The following FRMPD1 variants were observed in gnomAD, a reference collection of about 807,000 sequenced individuals.
The protein encoded by FRMPD1 is FERM and PDZ domain-containing protein 1.
Under a neutral mutation model 117.8 loss-of-function variants are expected in FRMPD1, and 76 were observed. The observed-to-expected ratio is 0.65, with a 90% CI of 0.54 to 0.78. The LOEUF (loss-of-function observed/expected upper bound fraction) is 0.78, where lower values mean the gene tolerates loss of function less well. Among genes scored for constraint, FRMPD1 ranks in the 30% least tolerant of loss-of-function variants. The probability of loss-of-function intolerance (pLI) is 0.00; values close to 1 mark genes in which losing one functional copy is unlikely to be tolerated. For missense variants in FRMPD1, 1,786 were observed against 1,964.5 expected, an observed-to-expected ratio of 0.91 and a Z score of 1.72; for synonymous variants, 783 against 770.4, an observed-to-expected ratio of 1.02 and a Z score of -0.27.
the FRMPD1 span, among the ~76,000 whole-genome samples, chr9:37,642,437 T>C: frequency 6.6e-6 from 1 of 152,228 alleles, no homozygotes; most frequent in African/African-American, 2.4e-5. Context: ...CTAGATTTCT[T>C]GGATTTGAAT....
chr9:37,662,845 G>A (rs1821041554), intron 1 of FRMPD1, among the ~76,000 whole-genome samples: 1 of 152,176 alleles, frequency 6.6e-6, no homozygotes, highest in Admixed American at 6.5e-5. Context: ...GGGACATGCA[G>A]CTCAGTTTAA....
At chr9:37,729,374 G>A (rs1361101818) in intron 7 of FRMPD1, among the ~76,000 whole-genome samples, 3 of 102,768 alleles carry the variant, frequency 2.9e-5, no homozygotes, top group African/African-American at 1.1e-4. Context: ...CAGCCTGGGA[G>A]ACCCTCTCAA....
chr9:37,647,094 C>CTT (rs1190010127), upstream of FRMPD1, among the ~76,000 whole-genome samples: 1 of 152,090 alleles, frequency 6.6e-6, no homozygotes, highest in Admixed American at 6.6e-5. Context: ...AGGGACAAGG[C>CTT]ACAACCACAT....
intron 2 of FRMPD1, among the ~76,000 whole-genome samples, chr9:37,698,900 G>A (rs771409203): frequency 9.9e-5 from 15 of 151,760 alleles, no homozygotes; most frequent in East Asian, 1.9e-4. Flanking sequence ...CACCACACCC[G>A]GCTAACTTTT....
chr9:37,627,378 C>T, the FRMPD1 span, among the ~76,000 whole-genome samples: 1 of 152,258 alleles, frequency 6.6e-6, no homozygotes, highest in Non-Finnish European at 1.5e-5. Context: ...CTTTATATCT[C>T]TGGCACCTTC....
Position 37,729,751 on chromosome 9 carries a change from G to A in FRMPD1, c.636G>A (p.Glu212=). ...TVKDIILTVK[E]KLSIRSIEYF... ...AGGACATCATCCTCACCGTGAAGGA[G>A]AAGCTGTCCATCCGAAGTATCGAGT... The change falls in exon 8 of 16, where the codon GAG becomes GAA. Residue 212 remains glutamate (E), a synonymous_variant. Coordinates refer to ENST00000377765, the MANE Select transcript of FRMPD1 (RefSeq NM_014907.3). 11 of 1,614,110 alleles carry A rather than the reference G, an allele frequency of 6.8e-6. No individual in the cohort carries two copies. The highest frequency in any genetic ancestry group is 9.3e-6 in the Non-Finnish European group (11 of 1,179,988).
chr9:37,663,632 C>T (rs974971442), intron 1 of FRMPD1, among the ~76,000 whole-genome samples: 20 of 152,316 alleles, frequency 1.3e-4, no homozygotes, highest in African/African-American at 4.8e-4. Context: ...GTTCTAACCT[C>T]GTGACTTTGC....
intron 2 of FRMPD1, among the ~76,000 whole-genome samples, chr9:37,696,585 G>A (rs1210963376): frequency 6.6e-6 from 1 of 152,132 alleles, no homozygotes; most frequent in Non-Finnish European, 1.5e-5. Flanking sequence ...TTTAAAACAT[G>A]TGGGAAAATT....
At chr9:37,668,720 G>A (rs370141681) in intron 1 of FRMPD1, 4 of 152,088 alleles carry the variant, frequency 2.6e-5, no homozygotes, top group Non-Finnish European at 4.4e-5. Context: ...CTGTTTCCAC[G>A]GTATATTTGT....
chr9:37,623,834 T>A, the FRMPD1 span, among the ~76,000 whole-genome samples: 4 of 152,122 alleles, frequency 2.6e-5, no homozygotes, highest in African/African-American at 9.7e-5. Context: ...GGTAGGATTA[T>A]GACAGATAAG....
Position 37,740,684 on chromosome 9 carries a change from T to C in FRMPD1, c.2156T>C (p.Leu719Pro), listed in dbSNP as rs1220060113. The change falls in exon 15 of 16, where the codon CTG (leucine) becomes CCG (proline). Residue 719 changes from leucine (L) to proline (P), a missense_variant. Coordinates refer to ENST00000377765, the MANE Select transcript of FRMPD1 (RefSeq NM_014907.3). This position sits in a 1 kb window ranked among gnomAD's most constrained non-coding sequence, Gnocchi z 4.2. The stretch of plus-strand genomic sequence containing the variant: ...TCCAGTGTCTCCCCGGCCAGCTACC[T>C]GAGTGACAGTTCCGAGAGTACAGCT... ...LCSSVSPASY[L>P]SDSSESTASR... 7 of 1,614,032 alleles carry C rather than the reference T, an allele frequency of 4.3e-6. No homozygotes were observed. The Admixed American group carries it at 8.3e-5, about 19-fold the overall frequency.
At chr9:37,628,682 T>G in the FRMPD1 span, among the ~76,000 whole-genome samples, 4 of 152,222 alleles carry the variant, frequency 2.6e-5, no homozygotes, top group African/African-American at 9.6e-5. Flanking sequence ...GGAACCTGCC[T>G]ACCTGAGGGA....
At chr9:37,701,796 A>C (rs1042204903) in intron 2 of FRMPD1, among the ~76,000 whole-genome samples, 14 of 152,136 alleles carry the variant, frequency 9.2e-5, no homozygotes, top group Non-Finnish European at 1.6e-4. Flanking sequence ...TAGATGGAGA[A>C]TCATTCAGGA....
chr9:37,703,445 G>A (rs1394813096), intron 2 of FRMPD1, among the ~76,000 whole-genome samples: 2 of 152,062 alleles, frequency 1.3e-5, no homozygotes, highest in Non-Finnish European at 2.9e-5. Context: ...TCTACTATGT[G>A]TATTTATGCC....
chr9:37,704,016 A>G (rs1822617019), intron 2 of FRMPD1, among the ~76,000 whole-genome samples: 1 of 152,244 alleles, frequency 6.6e-6, no homozygotes, highest in Admixed American at 6.5e-5. Flanking sequence ...TCTCCGGTAC[A>G]TACCCAGGAG....
At chr9:37,692,467 C>T (rs1054976012) in intron 1 of FRMPD1, among the ~76,000 whole-genome samples, 171 bp from the exon 2 acceptor site, 3 of 152,212 alleles carry the variant, frequency 2.0e-5, no homozygotes, top group Non-Finnish European at 4.4e-5. Flanking sequence ...AAGTTGTTCA[C>T]TCTGTGAACA....
intron 12 of FRMPD1, among the ~76,000 whole-genome samples, chr9:37,735,180 G>C (rs187335555): frequency 6.6e-6 from 1 of 152,312 alleles, no homozygotes; most frequent in East Asian, 1.9e-4. Context: ...GCTTAAGGAG[G>C]CTGAGATCAG....
chr9:37,732,990 C>A (rs1393620636), intron 10 of FRMPD1, among the ~76,000 whole-genome samples: 1 of 152,070 alleles, frequency 6.6e-6, no homozygotes, highest in East Asian at 1.9e-4. Flanking sequence ...TTGGCCCTAC[C>A]CCTGATGTAC....
At position 37,745,807 on chromosome 9, in the gene FRMPD1, C is replaced by A. The variant is rs532182504; in HGVS notation, c.3775C>A (p.Pro1259Thr). Reference sequence around the variant, plus strand: ...TAATCCTGAGCCTTCCCTGCCAGAACCACTACCATGTCCACAAGAGGATCC... The same window carrying A: ...TAATCCTGAGCCTTCCCTGCCAGAAACACTACCATGTCCACAAGAGGATCC... The part of the protein sequence containing the change: ...CFNPEPSLPE[P>T]LPCPQEDPHL... The change falls in exon 16 of 16, where the codon CCA (proline) becomes ACA (threonine). Residue 1259 changes from proline to threonine, a missense_variant. By Grantham distance (38) the Pro-to-Thr change is conservative. Transcript: ENST00000377765. 1.9e-6 allele frequency: 3 copies of A among 1,614,172 alleles called. No homozygotes were observed. Among genetic ancestry groups the A allele is most frequent in the Admixed American group, 1.7e-5 (1 of 60,028 alleles).
Sources: gnomAD v4.1 joint callset for allele counts (sites outside exome capture counted in the v4.1 genomes callset) on GRCh38, gnomAD v4.1.1 for gene constraint, Gnocchi (gnomAD v3.1) non-coding constraint, MANE v1.5 for transcripts, NCBI Gene and HGNC (gene_info 2026-07-23, HGNC 2026-07-21) for gene names.